The following IGF1R variants were observed in gnomAD, a reference collection of about 807,000 sequenced individuals.
IGF1R encodes insulin like growth factor 1 receptor, also known as insulin-like growth factor 1 receptor.
Under a neutral mutation model 144.6 loss-of-function variants are expected in IGF1R, and 44 were observed. The ratio of observed to expected loss-of-function variants is 0.30; its 90% CI spans 0.24 to 0.39. The LOEUF (loss-of-function observed/expected upper bound fraction) is 0.39, where lower values mean the gene tolerates loss of function less well. Among genes scored for constraint, IGF1R ranks in the 10% least tolerant of loss-of-function variants. The pLI is 1.00. For missense variants in IGF1R, 1,355 were observed against 1,833.7 expected, an observed-to-expected ratio of 0.74 and a Z score of 4.77; for synonymous variants, 795 against 722.8, an observed-to-expected ratio of 1.10 and a Z score of -1.60.
chr15:98,823,333 C>A (rs1404723163), intron 2 of IGF1R, among the ~76,000 whole-genome samples: 1 of 152,194 alleles, frequency 6.6e-6, no homozygotes. Flanking sequence ...GCAGTGGTGT[C>A]ATGTGCCTGG....
intron 2 of IGF1R, among the ~76,000 whole-genome samples, chr15:98,879,880 G>C (rs2013278411): frequency 6.6e-6 from 1 of 152,202 alleles, no homozygotes; most frequent in African/African-American, 2.4e-5. Context: ...AGTCACAAAA[G>C]ACACTACCTA....
At chr15:98,672,812 A>G (rs1324444435) in intron 1 of IGF1R, among the ~76,000 whole-genome samples, 1 of 152,138 alleles carries the variant, frequency 6.6e-6, no homozygotes, top group Non-Finnish European at 1.5e-5. Context: ...TTTCCCCCCT[A>G]AATACGGGTA....
chr15:98,742,962 G>C (rs1024925340), intron 2 of IGF1R, among the ~76,000 whole-genome samples: 1 of 152,114 alleles, frequency 6.6e-6, no homozygotes, highest in South Asian at 2.1e-4. Flanking sequence ...ACTTGAACCT[G>C]GGAGGAGGAG....
intron 2 of IGF1R, among the ~76,000 whole-genome samples, chr15:98,875,071 C>T (rs150567882): frequency 5.8e-4 from 88 of 152,330 alleles, no homozygotes; most frequent in African/African-American, 1.5e-3. Flanking sequence ...GGATGTTGCA[C>T]ACCAGTTTGC....
At position 98,957,528 on chromosome 15, in the gene IGF1R, C is replaced by T. The variant is rs1337638051; in HGVS notation, c.*86C>T. Reference sequence around the variant, plus strand: ...GGAGAGAGAGTTTTAACAATCCATTCACAAGCCTCCTGTACCTCAGTGGAT... The same window carrying T: ...GGAGAGAGAGTTTTAACAATCCATTTACAAGCCTCCTGTACCTCAGTGGAT... On this transcript the variant is annotated 3_prime_UTR_variant, in exon 21 of 21. Transcript: ENST00000650285. 4 of 1,554,186 alleles carry T rather than the reference C, an allele frequency of 2.6e-6. No individual in the cohort carries two copies. Among genetic ancestry groups the T allele is most frequent in the Non-Finnish European group, 3.5e-6 (4 of 1,133,090 alleles).
chr15:98,754,906 C>G (rs1369687825), intron 2 of IGF1R, among the ~76,000 whole-genome samples: 1 of 152,200 alleles, frequency 6.6e-6, no homozygotes, highest in Non-Finnish European at 1.5e-5. Context: ...AGTGCTCACC[C>G]TTCCTACCTT....
At chr15:98,857,203 C>T (rs2011869437) in intron 2 of IGF1R, among the ~76,000 whole-genome samples, 1 of 152,064 alleles carries the variant, frequency 6.6e-6, no homozygotes, top group Non-Finnish European at 1.5e-5. Context: ...GTTTTGTGTA[C>T]ATCTTTATTT....
At chr15:98,847,152 T>A (rs1238715656) in intron 2 of IGF1R, among the ~76,000 whole-genome samples, 1 of 152,154 alleles carries the variant, frequency 6.6e-6, no homozygotes, top group Non-Finnish European at 1.5e-5. Context: ...ATTATTTGCA[T>A]TTTTAGTAAA....
chr15:98,709,157 G>A lies in IGF1R; in HGVS notation c.640+1050G>A, dbSNP rs74032540. On this transcript the variant is annotated intron_variant, in intron 2 of 20. Transcript: ENST00000650285. ...CCAGTTAAAGATGTAAGGAACCCAT[G>A]TTCTCTAGTTATGAAGAACCAAGAA... Among the ~76,000 whole-genome samples the A allele has an allele frequency of 1.1e-4, 16 of 152,314 alleles. No homozygotes were observed. In the South Asian group the frequency reaches 3.1e-3, roughly 30 times the overall value.
chr15:98,793,301 G>C (rs1456274762), intron 2 of IGF1R, among the ~76,000 whole-genome samples: 1 of 152,216 alleles, frequency 6.6e-6, no homozygotes, highest in Non-Finnish European at 1.5e-5. Flanking sequence ...AAAAAATCTT[G>C]TGTTGTCAAT....
At position 98,922,131 on chromosome 15, in the gene IGF1R, TTC is replaced by T; in HGVS notation, c.2202-12_2202-11del. On this transcript the variant is annotated splice_polypyrimidine_tract_variant and intron_variant, in intron 10 of 20. Coordinates refer to ENST00000650285, the MANE Select transcript of IGF1R (RefSeq NM_000875.5). ...AGGTAAAAGTACTTAAAAGCCACAT[TTC>T]TCTCCTCCTTGCAGACCTGAAAGGA... is the stretch of plus-strand genomic sequence containing the variant. 3 of 1,614,012 alleles carry T rather than the reference TTC, an allele frequency of 1.9e-6. No homozygotes were observed. The highest frequency in any genetic ancestry group is 2.5e-6 in the Non-Finnish European group (3 of 1,179,942).
At chr15:98,816,419 G>T (rs1373029163) in intron 2 of IGF1R, among the ~76,000 whole-genome samples, 1 of 152,148 alleles carries the variant, frequency 6.6e-6, no homozygotes, top group Non-Finnish European at 1.5e-5. Context: ...GAAAGCACTT[G>T]CCTGTGTTGA....
intron 2 of IGF1R, among the ~76,000 whole-genome samples, chr15:98,739,650 CCAGGCTGGAGTG>C (rs1217405918): frequency 1.3e-5 from 2 of 152,062 alleles, no homozygotes; most frequent in African/African-American, 4.8e-5. Flanking sequence ...TCTCTGTTGT[CCAGGCTGGAGTG>C]CAGTGGCACT....
At chr15:98,746,876 A>G (rs985634562) in intron 2 of IGF1R, among the ~76,000 whole-genome samples, 1 of 152,236 alleles carries the variant, frequency 6.6e-6, no homozygotes, top group Non-Finnish European at 1.5e-5. Context: ...GAATGGTGTC[A>G]GTAATTTCAC....
intron 2 of IGF1R, among the ~76,000 whole-genome samples, chr15:98,848,360 A>G (rs1435620495): frequency 1.3e-5 from 2 of 152,228 alleles, no homozygotes. Context: ...TGTTCACACT[A>G]AAGTGCCAGT....
intron 2 of IGF1R, among the ~76,000 whole-genome samples, chr15:98,787,730 C>G (rs1567129214): frequency 6.6e-6 from 1 of 152,182 alleles, no homozygotes; most frequent in African/African-American, 2.4e-5. Flanking sequence ...GCAGAAACTT[C>G]TATTACCGCA....
At chr15:98,924,766 C>T in intron 13 of IGF1R, 82 bp downstream of exon 13, 1 of 1,268,628 alleles carries the variant, frequency 7.9e-7, no homozygotes, top group South Asian at 1.2e-5. Context: ...GTGTTCATGG[C>T]TGTCTTATTT....
rs200539075 is a variant in IGF1R at position 98,957,408 on chromosome 15, G to C, written c.4070G>C (p.Arg1357Pro). The C allele has an allele frequency of 6.2e-7, 1 of 1,613,144 alleles. No homozygotes were observed. Among genetic ancestry groups the C allele is most frequent in the Non-Finnish European group, 8.5e-7 (1 of 1,180,050 alleles). ...AHMNGGRKNE[R>P]ALPLPQSSTC Reference sequence around the variant, plus strand: ...ATGAACGGGGGCCGCAAGAACGAGCGGGCCTTGCCGCTGCCCCAGTCTTCG... The same window carrying C: ...ATGAACGGGGGCCGCAAGAACGAGCCGGCCTTGCCGCTGCCCCAGTCTTCG... The change falls in exon 21 of 21, where the codon CGG becomes CCG. Residue 1357 changes from arginine to proline, a missense_variant. Physicochemically the swap from Arg to Pro is moderately radical, Grantham distance 103. Transcript: ENST00000650285.
intron 2 of IGF1R, among the ~76,000 whole-genome samples, chr15:98,736,613 T>C (rs2054614931): frequency 7.1e-6 from 1 of 141,228 alleles, no homozygotes; most frequent in Non-Finnish European, 1.5e-5. Flanking sequence ...CTTTTTTCTT[T>C]TTTCTTTTTT....
Sources: allele counts gnomAD v4.1 joint callset (sites outside exome capture counted in the v4.1 genomes callset), GRCh38; gene constraint gnomAD v4.1.1; transcripts MANE v1.5; gene names NCBI Gene and HGNC (gene_info 2026-07-23, HGNC 2026-07-21).